Variants in BTBD2 observed in about 807,000 individuals in gnomAD.
BTBD2 encodes the protein BTB/POZ domain-containing protein 2.
BTBD2 carries 15 observed loss-of-function variants against 44.0 expected under a neutral mutation model. The observed-to-expected ratio is 0.34, with a 90% CI of 0.23 to 0.53. The LOEUF (loss-of-function observed/expected upper bound fraction) is 0.53, where lower values mean the gene tolerates loss of function less well. Ranked by LOEUF, BTBD2 falls within the 20% of genes least tolerant of loss-of-function variation. BTBD2 has a pLI of 0.95. For missense variants in BTBD2, 657 were observed against 746.4 expected, an observed-to-expected ratio of 0.88 and a Z score of 1.39; for synonymous variants, 443 against 335.9, an observed-to-expected ratio of 1.32 and a Z score of -3.49.
Position 1,990,788 on chromosome 19 carries a change from A to G in BTBD2, c.719T>C (p.Leu240Pro), listed in dbSNP as rs1420578611. Residue 240 changes from leucine to proline, a missense_variant, in exon 4 of 9, where the codon CTG (leucine) becomes CCG (proline). Physicochemically the swap from Leu to Pro is moderately conservative, Grantham distance 98 (BLOSUM62 -3). Transcript: ENST00000255608. Reference protein sequence around the residue: ...RLFDEPQLASLCLENIDKNTA... With the variant: ...RLFDEPQLASPCLENIDKNTA... The stretch of plus-strand genomic sequence containing the variant: ...GTTTTTGTCGATGTTCTCCAGGCAC[A>G]GGCTGGCCAGCTGCGGTTCATCGAA... The G allele has an allele frequency of 1.3e-6, 2 of 1,592,870 alleles. No individual in the cohort carries two copies. The highest frequency in any genetic ancestry group is 1.1e-5 in the South Asian group (1 of 87,662).
chr19:2,015,557 G>A lies in BTBD2; in HGVS notation c.147C>T (p.Ala49=), dbSNP rs2016524724. The A allele has an allele frequency of 2.1e-6, 2 of 941,262 alleles. No homozygotes were observed. Among genetic ancestry groups the A allele is most frequent in the Non-Finnish European group, 2.5e-6 (2 of 798,560 alleles). 58.3% of individuals were successfully genotyped at this position (941,262 alleles called of 1,614,324 possible). ...TCGGCCCAGGGGCGGCGGCGGCGGCGGCGGCGGCGGCGGCGGCGGCGGCCG... is the reference window on the plus strand; with the variant it reads ...TCGGCCCAGGGGCGGCGGCGGCGGCAGCGGCGGCGGCGGCGGCGGCGGCCG... The part of the protein sequence containing the change: ...GNAAAAAAAA[A]AAAAAPGPTP... Residue 49 remains alanine, a synonymous_variant, in exon 1 of 9, where the codon GCC becomes GCT. Coordinates refer to ENST00000255608, the MANE Select transcript of BTBD2 (RefSeq NM_017797.4).
At position 1,999,389 on chromosome 19, in the gene BTBD2, G is replaced by A. The variant is rs575750006; in HGVS notation, c.408-1926C>T. ...TTTTTGGAAGGAGGAGAAACAGGCC[G>A]GGCACGGTGGCCCACACCCGTCATC... On this transcript the variant is annotated intron_variant, in intron 1 of 8. Coordinates refer to ENST00000255608, the MANE Select transcript of BTBD2 (RefSeq NM_017797.4). 1.2e-4 allele frequency among the ~76,000 whole-genome samples: 19 copies of A among 152,310 alleles called. No homozygotes were observed. The South Asian group carries it at 3.1e-3, about 25-fold the overall frequency.
At position 1,993,047 on chromosome 19, in the gene BTBD2, G is replaced by C. The variant is rs754770502; in HGVS notation, c.657C>G (p.Ala219=). 14 of 1,601,048 alleles carry C rather than the reference G, an allele frequency of 8.7e-6. No homozygotes were observed. The highest frequency in any genetic ancestry group is 2.2e-5 in the East Asian group (1 of 44,652). Residue 219 remains alanine, a synonymous_variant, in exon 3 of 9, where the codon GCC becomes GCG. Coordinates refer to ENST00000255608, the MANE Select transcript of BTBD2 (RefSeq NM_017797.4). The stretch of plus-strand genomic sequence containing the variant: ...GCGTGAGCAGCATGAAGGCGTTGTC[G>C]GCTCGCAGGTTCTTCTTCAGGAACT... ...CVEFLKKNLR[A]DNAFMLLTQA...
At chr19:1,995,778 G>A (rs895905303) in intron 2 of BTBD2, among the ~76,000 whole-genome samples, 15 of 147,196 alleles carry the variant, frequency 1.0e-4, no homozygotes, top group Middle Eastern at 3.7e-3. Context: ...CTGCGACTAC[G>A]GGCGTCCGCC....
chr19:2,000,638 G>GT (rs772136434), intron 1 of BTBD2, among the ~76,000 whole-genome samples: 15 of 152,082 alleles, frequency 9.9e-5, no homozygotes, highest in Non-Finnish European at 1.6e-4. Flanking sequence ...TCTGCCCACC[G>GT]TGAGTCCCCA....
rs562892927 is a variant in BTBD2, at chr19:1,985,637, C to G, written c.*851G>C. 1 of 152,362 alleles carries G rather than the reference C, an allele frequency of 6.6e-6. No homozygotes were observed. Among genetic ancestry groups the G allele is most frequent in the African/African-American group, 2.4e-5 (1 of 41,550 alleles). The allele number at this position is 152,362 out of a possible 1,614,324, so 9.4% of individuals were successfully genotyped here. On this transcript the variant is annotated 3_prime_UTR_variant, in exon 9 of 9. Coordinates refer to ENST00000255608, the MANE Select transcript of BTBD2 (RefSeq NM_017797.4). ...GCACCTGGGGGTGGCTCCCACGGCA[C>G]CAGGTGGGCTAGGGCAACAGTATGT...
rs529168561 is a variant in BTBD2, at chr19:1,989,921, CGGG to C, written c.988+80_988+82del. 3,466 of 1,490,076 alleles carry C rather than the reference CGGG, an allele frequency of 2.3e-3. 7 individuals carry two copies. The highest frequency in any genetic ancestry group is 2.9e-3 in the Non-Finnish European group (3,193 of 1,085,536). 92.3% of individuals were successfully genotyped at this position (1,490,076 alleles called of 1,614,324 possible). On this transcript the variant is annotated intron_variant, in intron 5 of 8. Coordinates refer to ENST00000255608, the MANE Select transcript of BTBD2 (RefSeq NM_017797.4). ...TCTGCCAGGCTTTCCGCAGTGAACTCGGGGGCACTATCCTCGGTACCCAGATGC... is the reference window on the plus strand; with the variant it reads ...TCTGCCAGGCTTTCCGCAGTGAACTCGGCACTATCCTCGGTACCCAGATGC...
At chr19:1,997,185 GA>G (rs929060736) in intron 2 of BTBD2, among the ~76,000 whole-genome samples, 158 bp downstream of exon 2, 12 of 146,606 alleles carry the variant, frequency 8.2e-5, no homozygotes, top group Non-Finnish European at 1.1e-4. Context: ...ATCTCAAAAA[GA>G]AAAAAAAAAG....
At chr19:2,009,936 C>G (rs1373578743) in intron 1 of BTBD2, among the ~76,000 whole-genome samples, 1 of 152,118 alleles carries the variant, frequency 6.6e-6, no homozygotes, top group Non-Finnish European at 1.5e-5. Flanking sequence ...GGCGGATCAC[C>G]TGAGGTCGGG....
chr19:1,998,696 G>C (rs1439535936), intron 1 of BTBD2, among the ~76,000 whole-genome samples: 3 of 152,138 alleles, frequency 2.0e-5, no homozygotes, highest in Non-Finnish European at 4.4e-5. Context: ...ACGCCACTCT[G>C]TGCTGTCCAT....
chr19:2,000,420 G>A (rs2016314365), intron 1 of BTBD2, among the ~76,000 whole-genome samples: 2 of 152,224 alleles, frequency 1.3e-5, no homozygotes, highest in Admixed American at 6.5e-5. Context: ...CTTTGAGGAG[G>A]GTTCAAAAGC....
chr19:2,000,191 G>A (rs1254785250), intron 1 of BTBD2, among the ~76,000 whole-genome samples: 1 of 152,016 alleles, frequency 6.6e-6, no homozygotes, highest in Non-Finnish European at 1.5e-5. Context: ...CACTGAGTTT[G>A]ACCCCCCCAG....
chr19:2,000,505 T>C (rs368117326), intron 1 of BTBD2, among the ~76,000 whole-genome samples: 9 of 152,174 alleles, frequency 5.9e-5, no homozygotes, highest in Non-Finnish European at 7.4e-5. Flanking sequence ...ACCTCTGACA[T>C]GGGCGGGTCC....
At chr19:2,003,673 CAGG>C (rs1158525069) in intron 1 of BTBD2, 8 of 150,230 alleles carry the variant, frequency 5.3e-5, no homozygotes, top group Non-Finnish European at 7.4e-5. Context: ...GAGGCTGAGG[CAGG>C]AGAAGAATCG....
chr19:2,012,005 C>T (rs568419967), intron 1 of BTBD2, among the ~76,000 whole-genome samples: 2 of 152,002 alleles, frequency 1.3e-5, no homozygotes, highest in African/African-American at 4.8e-5. Context: ...CAGTTGTGCA[C>T]CACCACACCC....
At position 1,987,171 on chromosome 19, in the gene BTBD2, T is replaced by C. The variant is rs756136868; in HGVS notation, c.1264A>G (p.Ile422Val). 4.3e-6 allele frequency: 7 copies of C among 1,613,508 alleles called. No homozygotes were observed. Among genetic ancestry groups the C allele is most frequent in the East Asian group, 2.2e-5 (1 of 44,884 alleles). Residue 422 changes from isoleucine to valine, a missense_variant, in exon 7 of 9, where the codon ATC becomes GTC. Ile to Val is a conservative substitution (Grantham distance 29, BLOSUM62 3). Around this residue, in one of 3 missense-constraint regions of BTBD2, gnomAD observed 449 missense variants for 510.9 expected, o/e 0.88. Coordinates refer to ENST00000255608, the MANE Select transcript of BTBD2 (RefSeq NM_017797.4). ...ATGAGGCTTGGGGCTGGTACCTGGA[T>C]GTTCACTTGGTAGTCGGTGGGCCCG... ...IHGPTDYQVN[I>V]QIIHTDSNTV...
intron 2 of BTBD2, among the ~76,000 whole-genome samples, chr19:1,995,540 C>T (rs1368859926): frequency 2.0e-5 from 3 of 151,908 alleles, no homozygotes; most frequent in African/African-American, 4.8e-5. Context: ...CCTCGGCCTC[C>T]CAAAGTGCTG....
intron 1 of BTBD2, among the ~76,000 whole-genome samples, chr19:1,998,426 G>A (rs544298558): frequency 9.2e-5 from 14 of 152,372 alleles, no homozygotes; most frequent in Middle Eastern, 3.4e-3. Context: ...CAGCAGGAGC[G>A]TGGGAGGAGC....
intron 1 of BTBD2, among the ~76,000 whole-genome samples, chr19:1,999,982 A>T (rs555700363): frequency 6.6e-6 from 1 of 151,840 alleles, no homozygotes; most frequent in Non-Finnish European, 1.5e-5. Flanking sequence ...AAAAAAAAAA[A>T]AAAGAAAAAG....
Sources: gnomAD v4.1 joint callset for allele counts (sites outside exome capture counted in the v4.1 genomes callset) on GRCh38, gnomAD v4.1.1 for gene constraint, gnomAD v4.1.1 regional missense constraint, MANE v1.5 for transcripts, NCBI Gene and HGNC (gene_info 2026-07-23, HGNC 2026-07-21) for gene names.